Variants in SCFD1 observed in about 807,000 individuals in gnomAD.
The protein encoded by SCFD1 is sec1 family domain-containing protein 1.
Under a neutral mutation model 103.2 loss-of-function variants are expected in SCFD1, and 37 were observed. The ratio of observed to expected loss-of-function variants is 0.36; its 90% CI spans 0.28 to 0.47. The LOEUF (loss-of-function observed/expected upper bound fraction) is 0.47, where lower values mean the gene tolerates loss of function less well. Ranked by LOEUF, SCFD1 falls within the 20% of genes least tolerant of loss-of-function variation. The pLI is 1.00. For synonymous variants in SCFD1, 264 were observed against 245.0 expected (o/e 1.08, Z -0.73); for missense variants, 639 against 761.2 (o/e 0.84, Z 1.89).
chr14:30,730,993 T>G (rs1245471142), intron 23 of SCFD1, among the ~76,000 whole-genome samples: 7 of 152,182 alleles, frequency 4.6e-5, no homozygotes, highest in African/African-American at 1.7e-4. Context: ...GGTCTAACAT[T>G]TAAGTCTTTA....
chr14:30,651,425 C>CT (rs11405918), intron 9 of SCFD1, among the ~76,000 whole-genome samples: 15,013 of 152,134 alleles, frequency 0.099, 1,408 homozygotes, highest in African/African-American at 0.24. Flanking sequence ...GGAGTTCACA[C>CT]TAACACTGTG....
chr14:30,722,398 A>G, intron 22 of SCFD1, 96 bp from the exon 23 acceptor site: 1 of 814,354 alleles, frequency 1.2e-6, no homozygotes, highest in Non-Finnish European at 2.0e-6. Flanking sequence ...AGGGGCTTAG[A>G]ATATGACTTT....
chr14:30,694,645 T>C (rs1890565066), intron 14 of SCFD1, 128 bp from the exon 15 acceptor site: 2 of 1,310,278 alleles, frequency 1.5e-6, no homozygotes, highest in African/African-American at 3.1e-5. Context: ...TTCTGAACTG[T>C]ACTTTTGACC....
At chr14:30,721,960 T>C (rs1317453437) in intron 22 of SCFD1, 43 bp downstream of exon 22, 2 of 1,445,614 alleles carry the variant, frequency 1.4e-6, no homozygotes, top group African/African-American at 2.8e-5. Context: ...AAAGGGAAGA[T>C]GAAAGGTGAC....
chr14:30,651,638 G>T (rs531241163), intron 9 of SCFD1, among the ~76,000 whole-genome samples: 12 of 151,210 alleles, frequency 7.9e-5, no homozygotes, highest in African/African-American at 2.9e-4. Flanking sequence ...ATAGCTCTCT[G>T]GGATAGGCCT....
chr14:30,675,635 T>G (rs533255368), intron 14 of SCFD1, among the ~76,000 whole-genome samples: 7 of 152,230 alleles, frequency 4.6e-5, no homozygotes, highest in Admixed American at 3.3e-4. Flanking sequence ...TCCTTCAGTA[T>G]TCTGCTATTA....
intron 17 of SCFD1, among the ~76,000 whole-genome samples, chr14:30,703,506 G>T (rs1355432111): frequency 6.7e-6 from 1 of 148,250 alleles, no homozygotes; most frequent in Non-Finnish European, 1.5e-5. Flanking sequence ...TTTCCTTTTG[G>T]GTGCTTTTCT....
At chr14:30,691,751 C>T (rs1204883183) in intron 14 of SCFD1, among the ~76,000 whole-genome samples, 1 of 152,146 alleles carries the variant, frequency 6.6e-6, no homozygotes, top group Non-Finnish European at 1.5e-5. Flanking sequence ...GTACCAATCA[C>T]ATTAAGTTGT....
chr14:30,630,933 A>T (rs1884046691), intron 3 of SCFD1: 2 of 180,934 alleles, frequency 1.1e-5, no homozygotes, highest in Admixed American at 1.2e-4. Context: ...AAATTTTGTA[A>T]GTCAAAAAAA....
chr14:30,667,890 A>G (rs1000509480), intron 10 of SCFD1, among the ~76,000 whole-genome samples: 2 of 152,208 alleles, frequency 1.3e-5, no homozygotes, highest in Non-Finnish European at 2.9e-5. Context: ...CCACTGCTCA[A>G]CGAAATAAAA....
intron 23 of SCFD1, among the ~76,000 whole-genome samples, chr14:30,727,331 G>T (rs1033770690): frequency 4.6e-5 from 7 of 152,196 alleles, no homozygotes; most frequent in Non-Finnish European, 1.0e-4. Flanking sequence ...AAAATCGTTT[G>T]TGTGCATTTC....
At chr14:30,725,390 G>C (rs1423585056) in intron 23 of SCFD1, among the ~76,000 whole-genome samples, 1 of 152,140 alleles carries the variant, frequency 6.6e-6, no homozygotes, top group Non-Finnish European at 1.5e-5. Flanking sequence ...TGCTTGTAGA[G>C]ATCTTTCACC....
chr14:30,640,683 G>GT (rs138494963), intron 6 of SCFD1, among the ~76,000 whole-genome samples: 2,547 of 150,772 alleles, frequency 0.017, 93 homozygotes, highest in African/African-American at 0.058. Flanking sequence ...ATATTAAGTG[G>GT]TTTTTTTTTA....
At chr14:30,725,330 T>G (rs1054812399) in intron 23 of SCFD1, among the ~76,000 whole-genome samples, 1 of 152,218 alleles carries the variant, frequency 6.6e-6, no homozygotes, top group Non-Finnish European at 1.5e-5. Context: ...GGAATGTTTT[T>G]CCATTTGTTT....
chr14:30,694,878 C>A lies in SCFD1; in HGVS notation c.1339+9C>A. 6.4e-7 allele frequency: 1 copy of A among 1,574,420 alleles called. No homozygotes were observed. The highest frequency in any genetic ancestry group is 8.6e-7 in the Non-Finnish European group (1 of 1,166,582). ...AATATCAGACCCTGATGGTATGTAC[C>A]AAAAATTTGAGGTTAATGTAAGTTT... is the stretch of plus-strand genomic sequence containing the variant. On this transcript the variant is annotated intron_variant, in intron 15 of 24. Coordinates refer to ENST00000458591, the MANE Select transcript of SCFD1 (RefSeq NM_016106.4).
Position 30,650,600 on chromosome 14 carries a change from T to C in SCFD1, c.705T>C (p.Asp235=). The stretch of plus-strand genomic sequence containing the variant: ...AGAAACTTCGAGAAAATCTAAGAGA[T>C]GCAAGAAACAGTCTTTTTACAGGTG... ...LDKKLRENLR[D]ARNSLFTGDT... Residue 235 remains aspartate (D), a synonymous_variant, in exon 9 of 25, where the codon GAT becomes GAC. Coordinates refer to ENST00000458591, the MANE Select transcript of SCFD1 (RefSeq NM_016106.4). 1.2e-6 allele frequency: 2 copies of C among 1,610,672 alleles called. No individual in the cohort carries two copies. Among genetic ancestry groups the C allele is most frequent in the Non-Finnish European group, 1.7e-6 (2 of 1,177,344 alleles).
In SCFD1 at chr14:30,715,989, A is replaced by G. The variant is rs1484893560; in HGVS notation, c.1683+12A>G. The stretch of plus-strand genomic sequence containing the variant: ...TGAAGTCAAACCCCGTGAGTACCAT[A>G]TAACATATTTTGTGTAAATTCCCGA... On this transcript the variant is annotated intron_variant, in intron 20 of 24. Coordinates refer to ENST00000458591, the MANE Select transcript of SCFD1 (RefSeq NM_016106.4). 3 of 1,476,318 alleles carry G rather than the reference A, an allele frequency of 2.0e-6. No individual in the cohort carries two copies. Among genetic ancestry groups the G allele is most frequent in the East Asian group, 2.3e-5 (1 of 43,060 alleles). The allele number at this position is 1,476,318 out of a possible 1,614,324, so 91.5% of individuals were successfully genotyped here. A position where few individuals can be genotyped will look rare whatever the true frequency, so the allele number is the denominator to read the frequency against.
chr14:30,705,813 T>G lies in SCFD1; in HGVS notation c.1491-10T>G. On this transcript the variant is annotated splice_polypyrimidine_tract_variant and intron_variant, in intron 17 of 24. Coordinates refer to ENST00000458591, the MANE Select transcript of SCFD1 (RefSeq NM_016106.4). ...AATTAGCTTTTAAGTACAACTTCCT[T>G]CTTTCATAGGGCTTTTACCAAGATG... is the stretch of plus-strand genomic sequence containing the variant. The G allele has an allele frequency of 6.2e-7, 1 of 1,612,302 alleles. No homozygotes were observed. Among genetic ancestry groups the G allele is most frequent in the Non-Finnish European group, 8.5e-7 (1 of 1,178,562 alleles).
chr14:30,628,933 ACT>A (rs1288772338), intron 2 of SCFD1, among the ~76,000 whole-genome samples: 2 of 151,800 alleles, frequency 1.3e-5, no homozygotes, highest in Non-Finnish European at 2.9e-5. Flanking sequence ...TGTTTTGAAA[ACT>A]CTCTTGAGTC....
Sources: gnomAD v4.1 joint callset for allele counts (sites outside exome capture counted in the v4.1 genomes callset) on GRCh38, gnomAD v4.1.1 for gene constraint, MANE v1.5 for transcripts, NCBI Gene and HGNC (gene_info 2026-07-23, HGNC 2026-07-21) for gene names.